FCHSD2: variants seen among roughly 807,000 people sequenced by gnomAD.
FCHSD2 encodes the protein FCH and double SH3 domains 2, also known as F-BAR and double SH3 domains protein 2.
FCHSD2 carries 38 observed loss-of-function variants against 108.1 expected under a neutral mutation model. The ratio of observed to expected loss-of-function variants is 0.35; its 90% CI spans 0.27 to 0.46. The LOEUF is 0.46. Ranked by LOEUF, FCHSD2 falls within the 20% of genes least tolerant of loss-of-function variation. FCHSD2 has a pLI of 1.00. For missense variants in FCHSD2, 751 were observed against 897.8 expected (o/e 0.84, Z 2.09); for synonymous variants, 279 against 314.7 (o/e 0.89, Z 1.20).
intron 3 of FCHSD2, among the ~76,000 whole-genome samples, chr11:73,059,524 A>G (rs2135486134): frequency 6.6e-6 from 1 of 152,062 alleles, no homozygotes; most frequent in African/African-American, 2.4e-5. Context: ...CCTACCCTTC[A>G]CTCTAACTTC....
intron 3 of FCHSD2, among the ~76,000 whole-genome samples, chr11:73,082,065 C>T (rs531461546): frequency 3.3e-4 from 50 of 152,022 alleles, no homozygotes; most frequent in South Asian, 6.2e-4. Context: ...CGGCTGGGCG[C>T]GGTGGCTCAT....
Position 72,941,109 on chromosome 11 carries a change from C to T in FCHSD2, c.706-19159G>A, listed in dbSNP as rs144205568. The stretch of plus-strand genomic sequence containing the variant: ...AAACTCTCCAGTTCCACTGTTACCA[C>T]TAATATAAGTAAAGTTTGTAAAATT... On this transcript the variant is annotated intron_variant, in intron 8 of 19. Transcript: ENST00000409418. 1.4e-5 allele frequency: 7 copies of T among 516,310 alleles called. No homozygotes were observed. The East Asian group carries it at 1.9e-4, about 14-fold the overall frequency. 32.0% of individuals were successfully genotyped at this position (516,310 alleles called of 1,614,324 possible).
chr11:72,860,643 T>C (rs977847630), intron 13 of FCHSD2, among the ~76,000 whole-genome samples: 4 of 151,968 alleles, frequency 2.6e-5, no homozygotes, highest in African/African-American at 9.7e-5. Flanking sequence ...TCAGGAGTTC[T>C]AGACCAGCGT....
chr11:72,949,690 T>C (rs1331883032), intron 8 of FCHSD2, among the ~76,000 whole-genome samples: 4 of 152,232 alleles, frequency 2.6e-5, no homozygotes, highest in Non-Finnish European at 4.4e-5. Context: ...ACCCATGTTG[T>C]AGCATAAATC....
At chr11:72,841,841 C>A (rs1039000492) in intron 17 of FCHSD2, among the ~76,000 whole-genome samples, 1 of 152,164 alleles carries the variant, frequency 6.6e-6, no homozygotes, top group African/African-American at 2.4e-5. Flanking sequence ...AGTGAAGCTA[C>A]TCTCTAGGGT....
intron 8 of FCHSD2, among the ~76,000 whole-genome samples, chr11:72,967,199 C>CAA (rs555219984): frequency 7.7e-5 from 5 of 65,220 alleles, no homozygotes; most frequent in Non-Finnish European, 9.5e-5. Flanking sequence ...GACTCTGTCT[C>CAA]AAAAAAAAAA....
chr11:73,011,413 G>C (rs1190926895), intron 4 of FCHSD2, among the ~76,000 whole-genome samples: 1 of 152,154 alleles, frequency 6.6e-6, no homozygotes, highest in Non-Finnish European at 1.5e-5. Flanking sequence ...ACTTGCCCCA[G>C]CACCACTCGC....
chr11:73,004,938 T>C (rs910744409), intron 4 of FCHSD2, among the ~76,000 whole-genome samples: 14 of 152,180 alleles, frequency 9.2e-5, no homozygotes, highest in Admixed American at 8.5e-4. Flanking sequence ...GTCCACATGT[T>C]CCCACCACAT....
intron 9 of FCHSD2, among the ~76,000 whole-genome samples, chr11:72,914,215 A>G (rs1044078219): frequency 7.9e-5 from 12 of 152,042 alleles, no homozygotes; most frequent in African/African-American, 2.9e-4. Flanking sequence ...GGGTTTCACC[A>G]TGTTGGCCAG....
At chr11:73,080,201 G>A (rs1240979678) in intron 3 of FCHSD2, among the ~76,000 whole-genome samples, 11 of 150,332 alleles carry the variant, frequency 7.3e-5, no homozygotes, top group Non-Finnish European at 1.5e-4. Context: ...GTAGGCTGAG[G>A]CAGAAGGATC....
chr11:72,854,150 G>T (rs2135177393), intron 13 of FCHSD2, among the ~76,000 whole-genome samples: 1 of 152,298 alleles, frequency 6.6e-6, no homozygotes, highest in South Asian at 2.1e-4. Flanking sequence ...TGGTACAGCT[G>T]CTATGGAAAA....
intron 13 of FCHSD2, among the ~76,000 whole-genome samples, chr11:72,865,759 G>C (rs190673415): frequency 1.8e-4 from 28 of 152,212 alleles, no homozygotes; most frequent in Non-Finnish European, 3.2e-4. Flanking sequence ...GGTGGGGAGT[G>C]GGAATCTCAG....
chr11:73,023,301 A>G (rs557394856), intron 3 of FCHSD2, among the ~76,000 whole-genome samples: 1 of 152,336 alleles, frequency 6.6e-6, no homozygotes, highest in East Asian at 1.9e-4. Flanking sequence ...TATCTGATAA[A>G]GGAAGTCCAA....
intron 2 of FCHSD2, among the ~76,000 whole-genome samples, chr11:73,092,686 A>C (rs759789774): frequency 2.6e-5 from 4 of 152,218 alleles, no homozygotes; most frequent in Non-Finnish European, 5.9e-5. Flanking sequence ...TTAGCTCCTG[A>C]GACACACAGA....
At chr11:72,921,974 GA>G (rs778540386) in intron 8 of FCHSD2, 24 bp from the exon 9 acceptor site, 21 of 1,531,350 alleles carry the variant, frequency 1.4e-5, no homozygotes, top group African/African-American at 6.9e-5. Flanking sequence ...GTAAATAAAA[GA>G]AAAAAAATTA....
intron 8 of FCHSD2, among the ~76,000 whole-genome samples, chr11:72,980,336 G>A (rs898352585): frequency 1.3e-5 from 2 of 152,174 alleles, no homozygotes; most frequent in Non-Finnish European, 2.9e-5. Flanking sequence ...TCATGAATCT[G>A]CTCCGTCGAA....
intron 3 of FCHSD2, among the ~76,000 whole-genome samples, chr11:73,021,639 C>T (rs979044548): frequency 6.6e-6 from 1 of 151,920 alleles, no homozygotes; most frequent in African/African-American, 2.4e-5. Context: ...ACGAAATAAT[C>T]TGTACAACAA....
intron 13 of FCHSD2, among the ~76,000 whole-genome samples, chr11:72,866,986 T>G (rs1591355075): frequency 6.6e-6 from 1 of 152,166 alleles, no homozygotes; most frequent in East Asian, 1.9e-4. Flanking sequence ...TCAAAAATAT[T>G]TAAGTACCAA....
At chr11:72,888,953 G>T (rs1237129318) in intron 11 of FCHSD2, among the ~76,000 whole-genome samples, 2 of 151,272 alleles carry the variant, frequency 1.3e-5, no homozygotes, top group Non-Finnish European at 2.9e-5. Context: ...CTATAATTGT[G>T]TCTTTCTTTT....
Sources: allele counts gnomAD v4.1 joint callset (sites outside exome capture counted in the v4.1 genomes callset), GRCh38; gene constraint gnomAD v4.1.1; transcripts MANE v1.5; gene names NCBI Gene and HGNC (gene_info 2026-07-23, HGNC 2026-07-21).